Variants in CTBP2 observed in about 807,000 individuals in gnomAD.
CTBP2 encodes the protein C-terminal binding protein 2, also known as C-terminal-binding protein 2.
CTBP2 carries 30 observed loss-of-function variants against 80.3 expected under a neutral mutation model. That is an observed-to-expected ratio of 0.37 (90% CI 0.28 to 0.51). The LOEUF is 0.51. Ranked by LOEUF, CTBP2 falls within the 20% of genes least tolerant of loss-of-function variation. CTBP2 has a pLI of 0.93. For missense variants in CTBP2, 1,212 were observed against 1,375.3 expected, an observed-to-expected ratio of 0.88 and a Z score of 1.88; for synonymous variants, 594 against 587.4, an observed-to-expected ratio of 1.01 and a Z score of -0.16.
chr10:125,073,180 T>C (rs1413360091), intron 2 of CTBP2, among the ~76,000 whole-genome samples: 1 of 152,248 alleles, frequency 6.6e-6, no homozygotes, highest in African/African-American at 2.4e-5. Context: ...TTAATCTCAA[T>C]GTTGATGATG....
intron 1 of CTBP2, among the ~76,000 whole-genome samples, chr10:125,128,715 T>A (rs2136107082): frequency 6.6e-6 from 1 of 152,328 alleles, no homozygotes. Context: ...CCATACATGA[T>A]CAGTGGAAGC....
At chr10:125,134,011 G>A (rs1305226308) in intron 1 of CTBP2, among the ~76,000 whole-genome samples, 1 of 152,158 alleles carries the variant, frequency 6.6e-6, no homozygotes, top group Non-Finnish European at 1.5e-5. Context: ...AAACTTAGCA[G>A]GTAGGATATC....
chr10:125,138,695 A>C (rs531267472), intron 1 of CTBP2, among the ~76,000 whole-genome samples: 1 of 151,956 alleles, frequency 6.6e-6, no homozygotes, highest in East Asian at 1.9e-4. Context: ...AGACCAGCAA[A>C]CCACTACCCG....
At chr10:125,006,016 G>A (rs1955197573) in intron 1 of CTBP2, 1 of 1,424,978 alleles carries the variant, frequency 7.0e-7, no homozygotes, top group Non-Finnish European at 9.1e-7. Context: ...ATTGTCACAA[G>A]ATGTCCATCC....
rs1955661637 is a variant in CTBP2 at position 125,009,777 on chromosome 10, A to C, written c.1679-6285T>G. Among the ~76,000 whole-genome samples the C allele has an allele frequency of 2.6e-5, 4 of 152,264 alleles. No individual in the cohort carries two copies. In the South Asian group the frequency reaches 8.3e-4, roughly 32 times the overall value. Reference sequence around the variant, plus strand: ...CAGACACTTGGCGTTAGACTTGTAAACACAGCTGCCTCAGTGGGTCTACAG... The same window carrying C: ...CAGACACTTGGCGTTAGACTTGTAACCACAGCTGCCTCAGTGGGTCTACAG... On this transcript the variant is annotated intron_variant, in intron 1 of 8. Transcript: ENST00000309035.
At chr10:125,127,946 G>T (rs1855535653) in intron 1 of CTBP2, among the ~76,000 whole-genome samples, 1 of 152,184 alleles carries the variant, frequency 6.6e-6, no homozygotes, top group African/African-American at 2.4e-5. Flanking sequence ...GAACTTTCCT[G>T]AAAGAGGTAG....
At chr10:125,125,618 G>C (rs941385153) in intron 1 of CTBP2, among the ~76,000 whole-genome samples, 3 of 152,224 alleles carry the variant, frequency 2.0e-5, no homozygotes, top group African/African-American at 7.2e-5. Flanking sequence ...TCATATGCAT[G>C]TCACATACTC....
In CTBP2 at chr10:124,989,340, G is replaced by A. The variant is rs1015175770; in HGVS notation, c.*178C>T. 43 of 712,276 alleles carry A rather than the reference G, an allele frequency of 6.0e-5. 1 individual carries two copies. The highest frequency in any genetic ancestry group is 1.1e-4 in the African/African-American group (6 of 56,954). 44.1% of individuals were successfully genotyped at this position (712,276 alleles called of 1,614,324 possible). ...CACATCCTAGTCTTTCAGCGCTTCC[G>A]TAAGCAGACGACATCTTCAGTTTTC... On this transcript the variant is annotated 3_prime_UTR_variant, in exon 9 of 9. Transcript: ENST00000309035.
chr10:125,020,040 A>G (rs1956886086), intron 1 of CTBP2, among the ~76,000 whole-genome samples: 2 of 152,180 alleles, frequency 1.3e-5, no homozygotes, highest in South Asian at 4.1e-4. Context: ...GTTAAAGCAA[A>G]ATAGCGTAGG....
intron 2 of CTBP2, among the ~76,000 whole-genome samples, chr10:125,087,991 C>T (rs140420786): frequency 6.6e-5 from 10 of 152,232 alleles, no homozygotes; most frequent in East Asian, 3.9e-4. Flanking sequence ...TTTCCTGCAC[C>T]GTCCATTCCC....
chr10:125,081,183 CA>C (rs1258163579), intron 2 of CTBP2, among the ~76,000 whole-genome samples: 1 of 152,156 alleles, frequency 6.6e-6, no homozygotes, highest in African/African-American at 2.4e-5. Flanking sequence ...GGCCATTCTA[CA>C]AAATGACTCA....
intron 2 of CTBP2, among the ~76,000 whole-genome samples, chr10:125,108,037 C>A (rs946903283): frequency 6.6e-6 from 1 of 152,118 alleles, no homozygotes; most frequent in African/African-American, 2.4e-5. Flanking sequence ...AAACCATGAC[C>A]CAACTGAAGT....
chr10:125,003,329 TG>T lies in CTBP2; in HGVS notation c.1833+8del. The T allele has an allele frequency of 6.2e-7, 1 of 1,606,824 alleles. No individual in the cohort carries two copies. The stretch of plus-strand genomic sequence containing the variant: ...CAGTGCAGGCCCCGGCCGGGCAGGG[TG>T]GGCCCACCTTCTCGTGGATTTCCTG... On this transcript the variant is annotated splice_region_variant and intron_variant, in intron 2 of 8. Transcript: ENST00000309035.
chr10:125,083,494 G>A (rs1006102737), intron 2 of CTBP2, among the ~76,000 whole-genome samples: 5 of 152,132 alleles, frequency 3.3e-5, no homozygotes, highest in South Asian at 2.1e-4. Flanking sequence ...AGACTCAGTC[G>A]CCTGTCTACA....
Position 125,124,419 on chromosome 10 carries a change from G to A in CTBP2, c.-205-13326C>T, listed in dbSNP as rs546819929. ...GCCTTTATTATCTTCAAGGTTCCAC[G>A]TTTTTTCAGTTCATTCGACAATTTA... On this transcript the variant is annotated intron_variant, in intron 1 of 10. Coordinates refer to the CTBP2 transcript ENST00000337195. 2.6e-5 allele frequency among the ~76,000 whole-genome samples: 4 copies of A among 151,512 alleles called. 1 individual carries two copies. Among genetic ancestry groups the A allele is most frequent in the African/African-American group, 7.3e-5 (3 of 41,172 alleles).
intron 1 of CTBP2, among the ~76,000 whole-genome samples, chr10:125,127,400 C>A (rs1855458375): frequency 6.6e-6 from 1 of 152,170 alleles, no homozygotes; most frequent in Non-Finnish European, 1.5e-5. Context: ...CGGGGCTAGC[C>A]GTGCACGTCA....
At chr10:125,023,662 G>A (rs758734729) in intron 1 of CTBP2, among the ~76,000 whole-genome samples, 28 of 152,140 alleles carry the variant, frequency 1.8e-4, no homozygotes, top group Admixed American at 3.3e-4. Context: ...CCTTCCTCAC[G>A]TTGTCACTCT....
chr10:125,087,320 C>T (rs1295498635), intron 2 of CTBP2, among the ~76,000 whole-genome samples: 1 of 152,088 alleles, frequency 6.6e-6, no homozygotes, highest in Admixed American at 6.5e-5. Context: ...GATTCGCCCA[C>T]CTCCAGCTCC....
At chr10:125,051,930 C>T (rs1438297931) in intron 2 of CTBP2, among the ~76,000 whole-genome samples, 5 of 152,204 alleles carry the variant, frequency 3.3e-5, no homozygotes, top group Admixed American at 3.3e-4. Context: ...AAGATGGCAT[C>T]TAAAAGCTAC....
Sources: gnomAD v4.1 joint callset for allele counts (sites outside exome capture counted in the v4.1 genomes callset) on GRCh38, gnomAD v4.1.1 for gene constraint, MANE v1.5 for transcripts, NCBI Gene and HGNC (gene_info 2026-07-23, HGNC 2026-07-21) for gene names.